Variants in GALNT13 observed in about 807,000 individuals in gnomAD.
The protein encoded by GALNT13 is UDP-GalNAc:polypeptide N-acetylgalactosaminyltransferase 13.
A neutral mutation model predicts 64.2 loss-of-function variants in GALNT13; 28 were observed. The observed-to-expected ratio is 0.44, with a 90% CI of 0.32 to 0.60. The LOEUF is 0.60. GALNT13 is among the 20% of genes least tolerant of loss of function. The probability of loss-of-function intolerance (pLI) is 0.05; values close to 1 mark genes in which losing one functional copy is unlikely to be tolerated. For synonymous variants in GALNT13, 214 were observed against 224.6 expected (o/e 0.95, Z 0.42); for missense variants, 577 against 669.8 (o/e 0.86, Z 1.53).
At chr2:153,604,233 C>A in the GALNT13 span, among the ~76,000 whole-genome samples, 1 of 151,936 alleles carries the variant, frequency 6.6e-6, no homozygotes, top group Non-Finnish European at 1.5e-5. Flanking sequence ...TGGTTGATAC[C>A]AAGGGTCGTA....
At chr2:153,255,754 G>T in the GALNT13 span, among the ~76,000 whole-genome samples, 1 of 152,116 alleles carries the variant, frequency 6.6e-6, no homozygotes, top group Non-Finnish European at 1.5e-5. Context: ...ATGAAATTCT[G>T]GGTTGAAAAT....
chr2:153,296,941 T>C, the GALNT13 span, among the ~76,000 whole-genome samples: 1 of 152,326 alleles, frequency 6.6e-6, no homozygotes, highest in South Asian at 2.1e-4. Context: ...TTATATTTAA[T>C]TTCAAATACT....
the GALNT13 span, among the ~76,000 whole-genome samples, chr2:153,675,090 T>C: frequency 6.6e-6 from 1 of 152,192 alleles, no homozygotes; most frequent in African/African-American, 2.4e-5. Flanking sequence ...GCTTTTGCAC[T>C]GTTTGCAGGA....
the GALNT13 span, among the ~76,000 whole-genome samples, chr2:153,071,775 T>G: frequency 6.6e-6 from 1 of 152,224 alleles, no homozygotes; most frequent in African/African-American, 2.4e-5. Context: ...ACAGCTTGTT[T>G]TTCTATAGCC....
At chr2:153,156,042 T>A in the GALNT13 span, among the ~76,000 whole-genome samples, 14 of 152,300 alleles carry the variant, frequency 9.2e-5, no homozygotes, top group South Asian at 1.7e-3. Flanking sequence ...ATTTTATGGT[T>A]TTGAGTGAAT....
At chr2:153,727,856 G>T in the GALNT13 span, among the ~76,000 whole-genome samples, 1 of 151,796 alleles carries the variant, frequency 6.6e-6, no homozygotes. Context: ...TTTTAAGCCC[G>T]TATGCATTAG....
chr2:153,785,632 CACTGTT>C, the GALNT13 span, among the ~76,000 whole-genome samples: 1 of 151,970 alleles, frequency 6.6e-6, no homozygotes, highest in South Asian at 2.1e-4. Flanking sequence ...AATTTGGAGC[CACTGTT>C]ACTGGGAGTG....
the GALNT13 span, among the ~76,000 whole-genome samples, chr2:153,584,205 G>T: frequency 6.6e-6 from 1 of 152,082 alleles, no homozygotes; most frequent in South Asian, 2.1e-4. Flanking sequence ...TTTCACCAGG[G>T]GCCTGAGAAC....
intron 3 of GALNT13, among the ~76,000 whole-genome samples, chr2:154,086,405 T>C (rs1465896185): frequency 1.3e-5 from 2 of 148,230 alleles, no homozygotes; most frequent in South Asian, 2.1e-4. Flanking sequence ...ATTTACATTA[T>C]GTAAATATAT....
the GALNT13 span, among the ~76,000 whole-genome samples, chr2:153,780,238 T>TATATATGC: frequency 0.018 from 264 of 15,010 alleles, 2 homozygotes; most frequent in Non-Finnish European, 0.078. Context: ...TATATATATA[T>TATATATGC]ATATATATAT....
intron 3 of GALNT13, among the ~76,000 whole-genome samples, chr2:154,054,506 G>A (rs1416864701): frequency 6.6e-6 from 1 of 151,760 alleles, no homozygotes; most frequent in East Asian, 1.9e-4. Context: ...GAAATATTTT[G>A]CCTTTACTTA....
chr2:154,209,177 C>T (rs899877339), intron 4 of GALNT13, among the ~76,000 whole-genome samples: 2 of 151,858 alleles, frequency 1.3e-5, no homozygotes, highest in African/African-American at 2.4e-5. Flanking sequence ...TAAATGAGAG[C>T]AAGTGATGTT....
At chr2:153,123,666 T>C in the GALNT13 span, among the ~76,000 whole-genome samples, 158 of 152,326 alleles carry the variant, frequency 1.0e-3, 1 homozygote, top group African/African-American at 3.1e-3. Flanking sequence ...TAGGATATAA[T>C]GATAATAATG....
chr2:153,089,214 C>T, the GALNT13 span, among the ~76,000 whole-genome samples: 17 of 152,080 alleles, frequency 1.1e-4, no homozygotes, highest in African/African-American at 3.6e-4. Flanking sequence ...AAAGACCTTA[C>T]CTCTCCTTCA....
the GALNT13 span, among the ~76,000 whole-genome samples, chr2:153,789,264 A>G: frequency 1.3e-5 from 2 of 152,172 alleles, no homozygotes; most frequent in Admixed American, 1.3e-4. Flanking sequence ...AGACCACAGC[A>G]GAATGAAAAT....
chr2:153,441,360 A>T, the GALNT13 span, among the ~76,000 whole-genome samples: 1 of 152,162 alleles, frequency 6.6e-6, no homozygotes, highest in Non-Finnish European at 1.5e-5. Flanking sequence ...GCCTTGTAGT[A>T]TAGTTTGAAG....
chr2:153,116,158 T>C, the GALNT13 span, among the ~76,000 whole-genome samples: 1 of 152,176 alleles, frequency 6.6e-6, no homozygotes, highest in Non-Finnish European at 1.5e-5. Flanking sequence ...TTGATATCCT[T>C]AATTATTGTA....
chr2:154,128,743 A>G (rs1312431397), intron 3 of GALNT13, among the ~76,000 whole-genome samples: 1 of 152,158 alleles, frequency 6.6e-6, no homozygotes. Flanking sequence ...CCTTCATGAA[A>G]AAAATTATCA....
the GALNT13 span, among the ~76,000 whole-genome samples, chr2:153,345,635 TTTTCTTTC>T: frequency 0.036 from 2,500 of 68,702 alleles, 99 homozygotes; most frequent in Admixed American, 0.077. Flanking sequence ...TTTCCTTTCT[TTTTCTTTC>T]TTTCTTTCTT....
Sources: gnomAD v4.1 joint callset for allele counts (sites outside exome capture counted in the v4.1 genomes callset) on GRCh38, gnomAD v4.1.1 for gene constraint, MANE v1.5 for transcripts, NCBI Gene and HGNC (gene_info 2026-07-23, HGNC 2026-07-21) for gene names.